The following MACROD2 variants were observed in gnomAD, a reference collection of about 807,000 sequenced individuals.
MACROD2 encodes the protein ADP-ribose glycohydrolase MACROD2.
MACROD2 carries 36 observed loss-of-function variants against 70.4 expected under a neutral mutation model. That is an observed-to-expected ratio of 0.51 (90% CI 0.39 to 0.68). MACROD2 has a LOEUF of 0.68. Among genes scored for constraint, MACROD2 ranks in the 30% least tolerant of loss-of-function variants. The pLI, the probability that MACROD2 is intolerant of heterozygous loss-of-function variation, is 0.00. For synonymous variants in MACROD2, 172 were observed against 178.8 expected (o/e 0.96, Z 0.30); for missense variants, 496 against 538.4 (o/e 0.92, Z 0.78).
intron 12 of MACROD2, among the ~76,000 whole-genome samples, chr20:15,948,399 A>G (rs2065857488): frequency 1.4e-5 from 2 of 147,512 alleles, no homozygotes; most frequent in African/African-American, 5.2e-5. Context: ...AAAAAAAAAA[A>G]AAAAAAAAAA....
chr20:14,643,108 CATGTTTTAT>C (rs1173026066), intron 4 of MACROD2, among the ~76,000 whole-genome samples: 1 of 152,064 alleles, frequency 6.6e-6, no homozygotes, highest in African/African-American at 2.4e-5. Flanking sequence ...ATAAAACTTA[CATGTTTTAT>C]ATGTGAATGC....
chr20:14,733,216 A>G (rs2071618904), intron 5 of MACROD2, among the ~76,000 whole-genome samples: 1 of 152,170 alleles, frequency 6.6e-6, no homozygotes, highest in African/African-American at 2.4e-5. Flanking sequence ...CTAGTTACCT[A>G]TGAAATTCAT....
chr20:15,750,913 G>A (rs181541388), intron 8 of MACROD2, among the ~76,000 whole-genome samples: 4 of 150,214 alleles, frequency 2.7e-5, no homozygotes, highest in African/African-American at 9.7e-5. Context: ...ATTTTAAGAG[G>A]TGTTTTTTTG....
chr20:15,984,117 TTTTTTAAC>T (rs201199495), intron 13 of MACROD2, among the ~76,000 whole-genome samples: 1 of 86,690 alleles, frequency 1.2e-5, no homozygotes. Context: ...TTTATAGACT[TTTTTTAAC>T]TTTTTATAAT....
rs2082739789 is a variant in MACROD2 at position 14,326,616 on chromosome 20, T to G, written c.272-166863T>G. 1.2e-6 allele frequency: 2 copies of G among 1,613,782 alleles called. No individual in the cohort carries two copies. The highest frequency in any genetic ancestry group is 1.3e-5 in the African/African-American group (1 of 74,920). Reference sequence around the variant, plus strand: ...GATTGTTGCGAAGAATCAGTTGTGTTATATTGTCCAAATCATCAAAGATAC... The same window carrying G: ...GATTGTTGCGAAGAATCAGTTGTGTGATATTGTCCAAATCATCAAAGATAC... On this transcript the variant is annotated intron_variant, in intron 3 of 17. Coordinates refer to ENST00000684519, the MANE Select transcript of MACROD2 (RefSeq NM_001351661.2). The surrounding 1 kb of genome is among the most constrained non-coding windows in gnomAD (Gnocchi z 5.5).
chr20:14,039,678 A>G lies in MACROD2; in HGVS notation c.163+37274A>G, dbSNP rs528134773. Among the ~76,000 whole-genome samples the G allele has an allele frequency of 5.9e-5, 9 of 152,290 alleles. No homozygotes were observed. In the South Asian group the frequency reaches 1.9e-3, roughly 32 times the overall value. The stretch of plus-strand genomic sequence containing the variant: ...TATAAAACATCCTGGTAAAAACATT[A>G]AAAGGTTGTAAATTGGGGAACCTGT... On this transcript the variant is annotated intron_variant, in intron 2 of 17. Coordinates refer to ENST00000684519, the MANE Select transcript of MACROD2 (RefSeq NM_001351661.2).
At chr20:15,862,613 A>G (rs1462425998) in intron 8 of MACROD2, 132 bp from the exon 9 acceptor site, 6 of 648,238 alleles carry the variant, frequency 9.3e-6, no homozygotes, top group South Asian at 1.9e-5. Context: ...ACTCAATGCT[A>G]TGATGTAGAT....
intron 4 of MACROD2, among the ~76,000 whole-genome samples, chr20:14,537,304 CT>C (rs2085378123): frequency 6.6e-6 from 1 of 152,096 alleles, no homozygotes; most frequent in Non-Finnish European, 1.5e-5. Flanking sequence ...AGTGAGGCAG[CT>C]TTAAAAAAAG....
intron 3 of MACROD2, among the ~76,000 whole-genome samples, chr20:14,136,233 AC>A (rs1263365400): frequency 1.8e-4 from 28 of 152,194 alleles, no homozygotes; most frequent in Non-Finnish European, 2.4e-4. Context: ...ATTAAAAAAA[AC>A]AACTCAAAAT....
intron 3 of MACROD2, among the ~76,000 whole-genome samples, chr20:14,354,639 G>A (rs1452193372): frequency 6.6e-6 from 1 of 152,116 alleles, no homozygotes; most frequent in Non-Finnish European, 1.5e-5. Flanking sequence ...ACGGGTACCT[G>A]TGCAGGTTTG....
At chr20:14,224,019 G>A (rs1009628919) in intron 3 of MACROD2, among the ~76,000 whole-genome samples, 1 of 152,152 alleles carries the variant, frequency 6.6e-6, no homozygotes, top group Non-Finnish European at 1.5e-5. Flanking sequence ...CCTCAGGGGC[G>A]GTGAGTCATT....
chr20:14,959,679 G>A (rs2074566901), intron 5 of MACROD2, among the ~76,000 whole-genome samples: 1 of 152,180 alleles, frequency 6.6e-6, no homozygotes, highest in Non-Finnish European at 1.5e-5. Context: ...CCCTGGAGTT[G>A]TACAACGTGG....
intron 3 of MACROD2, among the ~76,000 whole-genome samples, chr20:14,102,886 T>G (rs1344398273): frequency 6.6e-6 from 1 of 152,198 alleles, no homozygotes; most frequent in Non-Finnish European, 1.5e-5. Flanking sequence ...TAGCTTCATG[T>G]TTGAGCTTCT....
chr20:14,791,302 A>G lies in MACROD2; in HGVS notation c.418+106343A>G, dbSNP rs74788694. 5.6e-3 allele frequency among the ~76,000 whole-genome samples: 855 copies of G among 152,252 alleles called. 3 individuals carry two copies. The highest frequency in any genetic ancestry group is 0.044 in the Middle Eastern group (13 of 294). Reference sequence around the variant, plus strand: ...AGAAATGTATCACATCTGTGCTCCAACGATCCCTGTGTCTGCAGAGTGCTT... The same window carrying G: ...AGAAATGTATCACATCTGTGCTCCAGCGATCCCTGTGTCTGCAGAGTGCTT... On this transcript the variant is annotated intron_variant, in intron 5 of 17. Coordinates refer to ENST00000684519, the MANE Select transcript of MACROD2 (RefSeq NM_001351661.2).
At chr20:15,875,754 C>A (rs2064659042) in intron 9 of MACROD2, among the ~76,000 whole-genome samples, 1 of 151,808 alleles carries the variant, frequency 6.6e-6, no homozygotes, top group African/African-American at 2.4e-5. Context: ...AGAGTTTGAT[C>A]TCATTAGGAA....
chr20:14,804,198 A>G (rs936477864), intron 5 of MACROD2, among the ~76,000 whole-genome samples: 1 of 151,852 alleles, frequency 6.6e-6, no homozygotes, highest in African/African-American at 2.4e-5. Flanking sequence ...TGCCAAATTT[A>G]TTTTTAATTT....
At chr20:15,460,914 G>A (rs898188738) in intron 7 of MACROD2, among the ~76,000 whole-genome samples, 1 of 148,656 alleles carries the variant, frequency 6.7e-6, no homozygotes, top group African/African-American at 2.5e-5. Flanking sequence ...TAGATGTGGA[G>A]AAGATGAATG....
At chr20:14,768,753 A>T (rs946187276) in intron 5 of MACROD2, among the ~76,000 whole-genome samples, 5 of 151,938 alleles carry the variant, frequency 3.3e-5, no homozygotes, top group African/African-American at 7.3e-5. Flanking sequence ...TGTAGCTGGG[A>T]TTACAGGCCT....
At chr20:15,010,777 G>C (rs1185302380) in intron 5 of MACROD2, among the ~76,000 whole-genome samples, 3 of 152,070 alleles carry the variant, frequency 2.0e-5, no homozygotes, top group African/African-American at 7.2e-5. Context: ...GTTTTGTTTT[G>C]TTTTGAAATG....
Sources: allele counts gnomAD v4.1 joint callset (sites outside exome capture counted in the v4.1 genomes callset), GRCh38; gene constraint gnomAD v4.1.1; non-coding constraint Gnocchi (gnomAD v3.1); transcripts MANE v1.5; gene names NCBI Gene and HGNC (gene_info 2026-07-23, HGNC 2026-07-21).